The following PTCD3 variants were observed in gnomAD, a reference collection of about 807,000 sequenced individuals.
PTCD3 encodes pentatricopeptide repeat domain 3, also known as small ribosomal subunit protein mS39.
A neutral mutation model predicts 101.9 loss-of-function variants in PTCD3; 89 were observed. That is an observed-to-expected ratio of 0.87 (90% CI 0.74 to 1.04). PTCD3 has a LOEUF of 1.04. PTCD3 is among the 50% of genes least tolerant of loss of function. The probability of loss-of-function intolerance (pLI) is 0.00; values close to 1 mark genes in which losing one functional copy is unlikely to be tolerated. For missense variants in PTCD3, 870 were observed against 828.2 expected (o/e 1.05, Z -0.62); for synonymous variants, 296 against 278.5 (o/e 1.06, Z -0.63).
rs1168462374 is a variant in PTCD3, at chr2:86,106,247, G to A, written c.-1G>A. On this transcript the variant is annotated 5_prime_UTR_variant, in exon 1 of 24. Transcript: ENST00000254630. ...CAACATGCTCTGCAGAGAAATCAAA[G>A]ATGGCGGTTGTATCTGCTGTTCGCT... The A allele has an allele frequency of 2.5e-6, 4 of 1,613,860 alleles. No homozygotes were observed. The highest frequency in any genetic ancestry group is 1.1e-5 in the South Asian group (1 of 90,994).
At position 86,140,880 on chromosome 2, in the gene PTCD3, G is replaced by C. The variant is rs1674670163; in HGVS notation, c.*3321G>C. 1 of 135,366 alleles carries C rather than the reference G, an allele frequency of 7.4e-6. No homozygotes were observed. Among genetic ancestry groups the C allele is most frequent in the Non-Finnish European group, 1.5e-5 (1 of 64,848 alleles). 8.4% of individuals were successfully genotyped at this position (135,366 alleles called of 1,614,324 possible). ...GATTGCTTGAGTTCAAGACCAGCCT[G>C]AGCAACACAGTGAAAACCCATCTCA... On this transcript the variant is annotated 3_prime_UTR_variant, in exon 24 of 24. Coordinates refer to ENST00000254630, the MANE Select transcript of PTCD3 (RefSeq NM_017952.6).
Position 86,135,111 on chromosome 2 carries a change from A to G in PTCD3, c.1778+124A>G, listed in dbSNP as rs562951829. On this transcript the variant is annotated intron_variant, in intron 21 of 23. Coordinates refer to ENST00000254630, the MANE Select transcript of PTCD3 (RefSeq NM_017952.6). ...CACGTATTTGATTCGGGAACTTGCAAATACCAACTAAAAAGCAAACTTTTG... is the reference window on the plus strand; with the variant it reads ...CACGTATTTGATTCGGGAACTTGCAGATACCAACTAAAAAGCAAACTTTTG... 3.5e-5 allele frequency: 42 copies of G among 1,203,608 alleles called. No homozygotes were observed. The East Asian group carries it at 9.3e-4, about 27-fold the overall frequency. The allele number at this position is 1,203,608 out of a possible 1,614,324, so 74.6% of individuals were successfully genotyped here.
chr2:86,117,347 C>T (rs867420564), intron 6 of PTCD3, among the ~76,000 whole-genome samples, 188 bp downstream of exon 6: 2 of 152,118 alleles, frequency 1.3e-5, no homozygotes, highest in Middle Eastern at 3.2e-3. Context: ...ATTTGCTCTT[C>T]ATCTTAATAT....
chr2:86,109,801 TATC>T (rs1437318183), intron 3 of PTCD3, among the ~76,000 whole-genome samples: 1 of 152,256 alleles, frequency 6.6e-6, no homozygotes, highest in African/African-American at 2.4e-5. Context: ...TTTAAAAGGT[TATC>T]ATACAATAAC....
intron 22 of PTCD3, 33 bp downstream of exon 22, chr2:86,136,595 C>T (rs1233619744): frequency 6.3e-7 from 1 of 1,597,882 alleles, no homozygotes; most frequent in African/African-American, 1.3e-5. Context: ...TCTTTGGGTA[C>T]AGCCTGGAAG....
At chr2:86,108,229 C>T in intron 1 of PTCD3, 121 bp from the exon 2 acceptor site, 2 of 1,089,968 alleles carry the variant, frequency 1.8e-6, no homozygotes, top group Admixed American at 2.4e-5. Context: ...CGTTCATTGA[C>T]ATGAGTTATC....
chr2:86,116,842 G>C (rs1218547642), intron 5 of PTCD3, among the ~76,000 whole-genome samples: 2 of 152,092 alleles, frequency 1.3e-5, no homozygotes, highest in Admixed American at 6.6e-5. Flanking sequence ...AGTTTAAATG[G>C]CTTGCTTTTT....
In PTCD3 at chr2:86,127,967, A is replaced by G; in HGVS notation, c.1123A>G (p.Ile375Val). The change falls in exon 14 of 24, where the codon ATT (isoleucine) becomes GTT (valine). Residue 375 changes from isoleucine (I) to valine (V), a missense_variant. Ile to Val is a conservative substitution (Grantham distance 29). Coordinates refer to ENST00000254630, the MANE Select transcript of PTCD3 (RefSeq NM_017952.6). ...ACCCTCGCTTGCAACATATCACCAT[A>G]TTATTCGCCTGTTTGATCAACCTGG... Reference protein sequence around the residue: ...IEPSLATYHHIIRLFDQPGDP... With the variant: ...IEPSLATYHHVIRLFDQPGDP... 6.2e-7 allele frequency: 1 copy of G among 1,610,738 alleles called. No homozygotes were observed. Among genetic ancestry groups the G allele is most frequent in the African/African-American group, 1.3e-5 (1 of 74,962 alleles).
At chr2:86,133,099 G>A in intron 17 of PTCD3, 79 bp from the exon 18 acceptor site, 3 of 1,528,674 alleles carry the variant, frequency 2.0e-6, no homozygotes, top group Non-Finnish European at 2.6e-6. Flanking sequence ...CATATAATAT[G>A]CTATAATTTC....
rs146097850 is a variant in PTCD3, at chr2:86,116,599, G to A, written c.309+1G>A. 1.3e-6 allele frequency: 2 copies of A among 1,599,924 alleles called. No individual in the cohort carries two copies. Among genetic ancestry groups the A allele is most frequent in the African/African-American group, 2.7e-5 (2 of 74,632 alleles). ...TATGCCAGCATCATCTTTGGAATCT[G>A]TGAGTATTTTCATATAATTTTCTAG... On this transcript the variant is annotated splice_donor_variant, in intron 5 of 23. Coordinates refer to ENST00000254630, the MANE Select transcript of PTCD3 (RefSeq NM_017952.6). LOFTEE classifies it high-confidence loss of function.
At chr2:86,122,341 T>C (rs1030983225) in intron 8 of PTCD3, among the ~76,000 whole-genome samples, 2 of 152,178 alleles carry the variant, frequency 1.3e-5, no homozygotes, top group African/African-American at 4.8e-5. Context: ...AAAAAGTGTT[T>C]CTGGGTGATG....
intron 3 of PTCD3, among the ~76,000 whole-genome samples, chr2:86,109,555 T>G (rs911725311): frequency 3.9e-5 from 6 of 152,218 alleles, no homozygotes; most frequent in African/African-American, 1.4e-4. Flanking sequence ...AAATTAAAAC[T>G]TACCGTATTG....
chr2:86,128,258 G>A (rs933768500), intron 14 of PTCD3, among the ~76,000 whole-genome samples: 1 of 142,284 alleles, frequency 7.0e-6, no homozygotes, highest in African/African-American at 2.6e-5. Context: ...AGCATGCCTA[G>A]CTGATTTTTT....
At position 86,121,598 on chromosome 2, in the gene PTCD3, A is replaced by G. The variant is rs143142339; in HGVS notation, c.654+4A>G. ...AACTGGACAGTCAGAAGCATTGGTA[A>G]TAACTGTTGGCCTTGATTTTTTTTT... is the stretch of plus-strand genomic sequence containing the variant. On this transcript the variant is annotated splice_donor_region_variant and intron_variant, in intron 8 of 23. Coordinates refer to ENST00000254630, the MANE Select transcript of PTCD3 (RefSeq NM_017952.6). 3.4e-4 allele frequency: 535 copies of G among 1,562,134 alleles called. 1 individual carries two copies. The African/African-American group carries it at 6.8e-3, about 20-fold the overall frequency.
intron 10 of PTCD3, among the ~76,000 whole-genome samples, 164 bp downstream of exon 10, chr2:86,125,246 T>G (rs1344077462): frequency 6.6e-6 from 1 of 152,188 alleles, no homozygotes. Flanking sequence ...GTGAGTAGTG[T>G]ACTCCTCCCC....
chr2:86,131,647 A>C (rs530533364), intron 16 of PTCD3, among the ~76,000 whole-genome samples: 1 of 152,206 alleles, frequency 6.6e-6, no homozygotes, highest in Admixed American at 6.5e-5. Flanking sequence ...TAAAATTGAT[A>C]ATGGTTTTTA....
chr2:86,117,703 C>T (rs763864937), intron 6 of PTCD3, among the ~76,000 whole-genome samples: 1 of 151,988 alleles, frequency 6.6e-6, no homozygotes, highest in South Asian at 2.1e-4. Context: ...CTCAAGCAAA[C>T]ACCCTTCTCA....
At chr2:86,106,403 C>CG in intron 1 of PTCD3, 52 bp downstream of exon 1, 2 of 1,550,946 alleles carry the variant, frequency 1.3e-6, no homozygotes, top group Middle Eastern at 1.7e-4. Flanking sequence ...CACCTTAGTC[C>CG]TATGTTTCCC....
intron 4 of PTCD3, 31 bp from the exon 5 acceptor site, chr2:86,116,499 A>G (rs760313301): frequency 6.5e-7 from 1 of 1,549,864 alleles, no homozygotes; most frequent in South Asian, 1.1e-5. Flanking sequence ...TTCAAAATAA[A>G]TATAGAAATT....
Sources: gnomAD v4.1 joint callset for allele counts (sites outside exome capture counted in the v4.1 genomes callset) on GRCh38, gnomAD v4.1.1 for gene constraint, MANE v1.5 for transcripts, NCBI Gene and HGNC (gene_info 2026-07-23, HGNC 2026-07-21) for gene names.